The following FANCI variants were observed in gnomAD, a reference collection of about 807,000 sequenced individuals.
The protein encoded by FANCI is FA complementation group I.
In FANCI, 156 loss-of-function variants were observed where a neutral mutation model predicts 176.1. The ratio of observed to expected loss-of-function variants is 0.89; its 90% CI spans 0.78 to 1.01. The LOEUF (loss-of-function observed/expected upper bound fraction) is 1.01, where lower values mean the gene tolerates loss of function less well. Among genes scored for constraint, FANCI ranks in the 50% least tolerant of loss-of-function variants. FANCI has a pLI of 0.00. For synonymous variants in FANCI, 613 were observed against 541.7 expected (o/e 1.13, Z -1.83); for missense variants, 1,678 against 1,534.1 (o/e 1.09, Z -1.57).
chr15:89,264,109 A>T lies in FANCI; in HGVS notation c.669+83A>T. 2.7e-6 allele frequency: 4 copies of T among 1,487,214 alleles called. No individual in the cohort carries two copies. In the South Asian group the frequency reaches 3.4e-5, roughly 13 times the overall value. The allele number at this position is 1,487,214 out of a possible 1,614,324, so 92.1% of individuals were successfully genotyped here. A position where few individuals can be genotyped will look rare whatever the true frequency, so the allele number is the denominator to read the frequency against. On this transcript the variant is annotated intron_variant, in intron 8 of 37. Transcript: ENST00000310775. ...CAACTTATTCATACCCTTGGTTTAT[A>T]TAGCAGAGCAAACATAGCCGAACAT... is the stretch of plus-strand genomic sequence containing the variant.
chr15:89,295,735 C>CCG (rs1236829079), intron 24 of FANCI, among the ~76,000 whole-genome samples: 1 of 143,536 alleles, frequency 7.0e-6, no homozygotes, highest in Non-Finnish European at 1.5e-5. Context: ...CCCTGGCGCC[C>CCG]CCCCCACCTT....
Position 89,293,041 on chromosome 15 carries a change from A to G in FANCI, c.2269A>G (p.Asn757Asp). 1 of 1,613,764 alleles carries G rather than the reference A, an allele frequency of 6.2e-7. No homozygotes were observed. Among genetic ancestry groups the G allele is most frequent in the Non-Finnish European group, 8.5e-7 (1 of 1,179,904 alleles). ...MGVCEVLIEY[N>D]FSISSFSKNR... is the part of the protein sequence containing the mutation. ...AGTTTGTGAGGTTTTAATAGAATACAATTTCTCCATAAGTAGTTTCAGGTA... is the reference window on the plus strand; with the variant it reads ...AGTTTGTGAGGTTTTAATAGAATACGATTTCTCCATAAGTAGTTTCAGGTA... The change falls in exon 22 of 38, where the codon AAT becomes GAT. Residue 757 changes from asparagine to aspartate, a missense_variant. Around this residue, in one of 3 missense-constraint regions of FANCI, gnomAD observed 1,204 missense variants for 1,077.4 expected, o/e 1.12. Coordinates refer to ENST00000310775, the MANE Select transcript of FANCI (RefSeq NM_001113378.2).
chr15:89,314,500 G>A (rs2152014648), intron 35 of FANCI, 112 bp from the exon 36 acceptor site: 1 of 815,470 alleles, frequency 1.2e-6, no homozygotes. Flanking sequence ...ATTTGATTGG[G>A]AGACAGACTA....
chr15:89,308,074 A>G, intron 34 of FANCI: 1 of 1,129,670 alleles, frequency 8.9e-7, no homozygotes, highest in Non-Finnish European at 1.1e-6. Flanking sequence ...CTTTCAGGGA[A>G]GTGGAAGGAC....
intron 23 of FANCI, 36 bp from the exon 24 acceptor site, chr15:89,294,879 C>A: frequency 6.5e-7 from 1 of 1,544,278 alleles, no homozygotes. Context: ...GTAAGGGAAT[C>A]TTCCTTTTTC....
chr15:89,263,580 T>C (rs755583691), intron 7 of FANCI, 120 bp downstream of exon 7: 34 of 951,390 alleles, frequency 3.6e-5, no homozygotes, highest in Admixed American at 3.4e-4. Flanking sequence ...TTAGTAGTTA[T>C]GTTTTCTGTT....
chr15:89,284,176 C>T (rs1051758510), intron 17 of FANCI, among the ~76,000 whole-genome samples: 1 of 152,158 alleles, frequency 6.6e-6, no homozygotes, highest in African/African-American at 2.4e-5. Flanking sequence ...ATTATTATCC[C>T]ATTTTCTTAC....
chr15:89,299,347 G>A (rs1002195585), intron 24 of FANCI, among the ~76,000 whole-genome samples: 1 of 152,106 alleles, frequency 6.6e-6, no homozygotes, highest in Non-Finnish European at 1.5e-5. Flanking sequence ...TAAATTCTGT[G>A]CAAATTCTTC....
Position 89,290,284 on chromosome 15 carries a change from A to G in FANCI, c.1890+3A>G, listed in dbSNP as rs886051510. The G allele has an allele frequency of 6.8e-6, 11 of 1,609,966 alleles. No individual in the cohort carries two copies. The African/African-American group carries it at 1.1e-4, about 16-fold the overall frequency. Reference sequence around the variant, plus strand: ...TCATGCAAACTCTGCTCTCACAGGTAAAATACATTTTTATGGATATATGGA... The same window carrying G: ...TCATGCAAACTCTGCTCTCACAGGTGAAATACATTTTTATGGATATATGGA... On this transcript the variant is annotated splice_donor_region_variant and intron_variant, in intron 19 of 37. Coordinates refer to ENST00000310775, the MANE Select transcript of FANCI (RefSeq NM_001113378.2).
chr15:89,281,637 A>G, intron 15 of FANCI, 128 bp from the exon 16 acceptor site: 1 of 916,580 alleles, frequency 1.1e-6, no homozygotes, highest in Non-Finnish European at 1.8e-6. Flanking sequence ...AACTGTAATA[A>G]ACATTAAAAC....
At chr15:89,277,533 G>T (rs2053453128) in intron 13 of FANCI, among the ~76,000 whole-genome samples, 1 of 149,228 alleles carries the variant, frequency 6.7e-6, no homozygotes, top group African/African-American at 2.5e-5. Context: ...GATCACTTGA[G>T]CCCAGGAAGT....
At chr15:89,291,791 C>G (rs901697735) in intron 20 of FANCI, 77 bp downstream of exon 20, 2 of 1,090,260 alleles carry the variant, frequency 1.8e-6, no homozygotes, top group African/African-American at 3.1e-5. Flanking sequence ...AGATACCTTT[C>G]CCTGTGAAAC....
At chr15:89,251,142 A>G (rs532091638) in intron 2 of FANCI, among the ~76,000 whole-genome samples, 10 of 152,302 alleles carry the variant, frequency 6.6e-5, no homozygotes, top group Admixed American at 2.6e-4. Context: ...CTGTTAATAC[A>G]GAGAAAATCT....
In FANCI at chr15:89,299,937, C is replaced by G; in HGVS notation, c.2774C>G (p.Pro925Arg). 1 of 1,613,920 alleles carries G rather than the reference C, an allele frequency of 6.2e-7. No homozygotes were observed. The highest frequency in any genetic ancestry group is 8.5e-7 in the Non-Finnish European group (1 of 1,179,952). Reference protein sequence around the residue: ...IFSAVQQFYQPKIQQFLRALD... With the variant: ...IFSAVQQFYQRKIQQFLRALD... ...AGTGCTGTGCAACAGTTCTATCAGC[C>G]CAAGATTCAGCAGTTTCTCAGAGCT... Residue 925 changes from proline to arginine, a missense_variant, in exon 25 of 38, where the codon CCC (proline) becomes CGC (arginine). Coordinates refer to ENST00000310775, the MANE Select transcript of FANCI (RefSeq NM_001113378.2).
chr15:89,281,649 T>C (rs2151556262), intron 15 of FANCI, 116 bp from the exon 16 acceptor site: 3 of 962,638 alleles, frequency 3.1e-6, no homozygotes, highest in Admixed American at 1.7e-5. Context: ...CATTAAAACG[T>C]ATATAAAACA....
chr15:89,259,096 C>G (rs574220560), intron 3 of FANCI: 1 of 337,984 alleles, frequency 3.0e-6, no homozygotes, highest in African/African-American at 2.1e-5. Flanking sequence ...AATACATAAT[C>G]CATGCTTAGC....
intron 2 of FANCI, among the ~76,000 whole-genome samples, chr15:89,258,494 T>G (rs1000487403): frequency 6.6e-6 from 1 of 152,188 alleles, no homozygotes; most frequent in Non-Finnish European, 1.5e-5. Flanking sequence ...ACATAAATGT[T>G]TATAGAATGA....
intron 10 of FANCI, 107 bp downstream of exon 10, chr15:89,268,632 C>T: frequency 2.9e-6 from 4 of 1,400,686 alleles, no homozygotes; most frequent in Non-Finnish European, 3.0e-6. Context: ...TGTAAAATGA[C>T]CCTGGGTGTG....
chr15:89,300,011 C>T, intron 25 of FANCI, 45 bp downstream of exon 25: 2 of 1,598,430 alleles, frequency 1.3e-6, no homozygotes, highest in Non-Finnish European at 1.7e-6. Flanking sequence ...TAGGTTTCTC[C>T]TTAGCTCAAC....
Sources: allele counts gnomAD v4.1 joint callset (sites outside exome capture counted in the v4.1 genomes callset), GRCh38; gene constraint gnomAD v4.1.1; regional missense constraint gnomAD v4.1.1; transcripts MANE v1.5; gene names NCBI Gene and HGNC (gene_info 2026-07-23, HGNC 2026-07-21).